ZNF827: variants seen among roughly 807,000 people sequenced by gnomAD.
ZNF827 encodes the protein zinc finger protein 827.
ZNF827 carries 13 observed loss-of-function variants against 102.4 expected under a neutral mutation model. The observed-to-expected ratio is 0.13, with a 90% confidence interval of 0.08 to 0.20. ZNF827 has a LOEUF of 0.20. Ranked by LOEUF, ZNF827 falls within the 10% of genes least tolerant of loss-of-function variation. ZNF827 has a pLI of 1.00. For missense variants in ZNF827, 1,103 were observed against 1,344.4 expected, an observed-to-expected ratio of 0.82 and a Z score of 2.81; for synonymous variants, 523 against 536.2, an observed-to-expected ratio of 0.98 and a Z score of 0.34.
chr4:145,843,335 C>T (rs1458995893), intron 7 of ZNF827, among the ~76,000 whole-genome samples: 1 of 152,142 alleles, frequency 6.6e-6, no homozygotes, highest in Non-Finnish European at 1.5e-5. Context: ...GAACCTCTTC[C>T]TTTGCTTTGG....
At chr4:145,838,163 AG>A (rs1745063772) in intron 7 of ZNF827, among the ~76,000 whole-genome samples, 1 of 152,158 alleles carries the variant, frequency 6.6e-6, no homozygotes. Flanking sequence ...GAATATGCCC[AG>A]CCCCACCTTA....
At position 145,902,483 on chromosome 4, in the gene ZNF827, T is replaced by A. The variant is rs1231320963; in HGVS notation, c.776A>T (p.Lys259Met). The change falls in exon 2 of 15, where the codon AAG (lysine) becomes ATG (methionine). Residue 259 changes from lysine to methionine, a missense_variant. This residue lies in a region of ZNF827 where 441 missense variants were observed against 458.6 expected (regional missense o/e 0.96). Coordinates refer to ENST00000508784, the MANE Select transcript of ZNF827 (RefSeq NM_001306215.2). The surrounding 1 kb of genome is among the most constrained non-coding windows in gnomAD (Gnocchi z 4.3). ...ASSTLAALSK[K>M]VSERSLTPGQ... Reference sequence around the variant, plus strand: ...AGGAGTCAAACTTCTTTCACTGACCTTCTTGGACAAAGCGGCCAAGGTAGA... The same window carrying A: ...AGGAGTCAAACTTCTTTCACTGACCATCTTGGACAAAGCGGCCAAGGTAGA... The A allele has an allele frequency of 6.2e-7, 1 of 1,614,158 alleles. No individual in the cohort carries two copies. The highest frequency in any genetic ancestry group is 2.2e-5 in the East Asian group (1 of 44,886).
intron 5 of ZNF827, among the ~76,000 whole-genome samples, chr4:145,866,166 C>T (rs982980118): frequency 6.6e-6 from 1 of 152,156 alleles, no homozygotes; most frequent in African/African-American, 2.4e-5. Flanking sequence ...TAAGCCAATC[C>T]CAAACCTGCA....
chr4:145,820,596 AC>A (rs1743048779), intron 8 of ZNF827, among the ~76,000 whole-genome samples: 1 of 152,174 alleles, frequency 6.6e-6, no homozygotes, highest in South Asian at 2.1e-4. Flanking sequence ...CTGCACAGCC[AC>A]TATCATTTCC....
At chr4:145,845,895 T>A in intron 7 of ZNF827, 61 bp downstream of exon 7, 1 of 1,558,816 alleles carries the variant, frequency 6.4e-7, no homozygotes, top group Non-Finnish European at 8.9e-7. Context: ...ACGTTCAACA[T>A]GTAGTACGGG....
At chr4:145,862,737 T>A (rs1377721203) in intron 5 of ZNF827, among the ~76,000 whole-genome samples, 2 of 152,242 alleles carry the variant, frequency 1.3e-5, no homozygotes, top group Non-Finnish European at 2.9e-5. Flanking sequence ...ATAAATTTGG[T>A]TTCACAGGCT....
intron 4 of ZNF827, among the ~76,000 whole-genome samples, chr4:145,885,406 A>T (rs573131253): frequency 6.6e-6 from 1 of 152,196 alleles, no homozygotes; most frequent in Admixed American, 6.5e-5. Flanking sequence ...GTAAGAACTC[A>T]CCAAAGGGAA....
intron 4 of ZNF827, among the ~76,000 whole-genome samples, chr4:145,878,407 C>T (rs1749340985): frequency 6.6e-6 from 1 of 152,006 alleles, no homozygotes; most frequent in South Asian, 2.1e-4. Flanking sequence ...GAGATAGTTA[C>T]TGAGCAGAAA....
chr4:145,831,590 C>T (rs868650637), intron 7 of ZNF827: 7 of 152,196 alleles, frequency 4.6e-5, no homozygotes, highest in African/African-American at 1.7e-4. Flanking sequence ...CCTCCAATTC[C>T]GTTGATGCGG....
At chr4:145,829,604 GAT>G (rs1744003215) in intron 7 of ZNF827, among the ~76,000 whole-genome samples, 1 of 152,208 alleles carries the variant, frequency 6.6e-6, no homozygotes, top group Non-Finnish European at 1.5e-5. Context: ...ATCTGACTTA[GAT>G]ATATGTCTGA....
chr4:145,803,699 C>T (rs1741140184), intron 8 of ZNF827, among the ~76,000 whole-genome samples: 1 of 152,048 alleles, frequency 6.6e-6, no homozygotes, highest in African/African-American at 2.4e-5. Context: ...TATATGACTC[C>T]CCAAGACTCT....
At chr4:145,770,540 G>A (rs1736112283) in intron 11 of ZNF827, among the ~76,000 whole-genome samples, 2 of 151,292 alleles carry the variant, frequency 1.3e-5, no homozygotes, top group African/African-American at 2.4e-5. Flanking sequence ...ACAATGTCTG[G>A]ATCATGGTAA....
chr4:145,855,835 A>T (rs539529784), intron 5 of ZNF827, among the ~76,000 whole-genome samples: 20 of 152,292 alleles, frequency 1.3e-4, no homozygotes, highest in Middle Eastern at 3.4e-3. Flanking sequence ...GGAGCTAGGT[A>T]CCCAGTGCAA....
chr4:145,843,248 G>T (rs974401627), intron 7 of ZNF827, among the ~76,000 whole-genome samples: 1 of 151,180 alleles, frequency 6.6e-6, no homozygotes, highest in Non-Finnish European at 1.5e-5. Flanking sequence ...CCACACCGAG[G>T]ACTTTGTAGA....
In ZNF827 at chr4:145,768,913, AT is replaced by A. The variant is rs1560894776; in HGVS notation, c.2861-3176del. Among the ~76,000 whole-genome samples the A allele has an allele frequency of 4.2e-3, 221 of 52,932 alleles. 43 individuals carry two copies. Among genetic ancestry groups the A allele is most frequent in the African/African-American group, 0.012 (190 of 15,394 alleles). 34.7% of individuals were successfully genotyped at this position (52,932 alleles called of 152,430 possible). A position where few individuals can be genotyped will look rare whatever the true frequency, so the allele number is the denominator to read the frequency against. ...AAAATATATATATATATATATATAT[AT>A]ATTAGGTATACAAAGTTTGGAAATA... On this transcript the variant is annotated intron_variant, in intron 11 of 14. Transcript: ENST00000508784.
At chr4:145,930,154 C>T (rs1358938493) in intron 1 of ZNF827, among the ~76,000 whole-genome samples, 1 of 152,216 alleles carries the variant, frequency 6.6e-6, no homozygotes, top group Admixed American at 6.5e-5. Flanking sequence ...TTTTAAAATA[C>T]AGCACCAGAC....
intron 1 of ZNF827, among the ~76,000 whole-genome samples, chr4:145,916,563 C>T (rs1579563432): frequency 6.6e-6 from 1 of 152,134 alleles, no homozygotes; most frequent in African/African-American, 2.4e-5. Flanking sequence ...ATTCTCTCAT[C>T]GTCCTTTGGT....
intron 8 of ZNF827, among the ~76,000 whole-genome samples, chr4:145,813,805 G>A (rs1386086088): frequency 2.6e-5 from 4 of 152,190 alleles, no homozygotes. Context: ...GGATTTGAGG[G>A]GGTGACACTG....
chr4:145,781,217 AG>A (rs1560914669), intron 8 of ZNF827, among the ~76,000 whole-genome samples: 390 of 118,724 alleles, frequency 3.3e-3, no homozygotes, highest in African/African-American at 5.0e-3. Flanking sequence ...AAAAAAAAAA[AG>A]AAAAAAAAAG....
Sources: allele counts gnomAD v4.1 joint callset (sites outside exome capture counted in the v4.1 genomes callset), GRCh38; gene constraint gnomAD v4.1.1; regional missense constraint gnomAD v4.1.1; non-coding constraint Gnocchi (gnomAD v3.1); transcripts MANE v1.5; gene names NCBI Gene and HGNC (gene_info 2026-07-23, HGNC 2026-07-21).